The following FRS2 variants were observed in gnomAD, a reference collection of about 807,000 sequenced individuals.
FRS2 encodes fibroblast growth factor receptor substrate 2.
Under a neutral mutation model 43.9 loss-of-function variants are expected in FRS2, and 8 were observed. The ratio of observed to expected loss-of-function variants is 0.18; its 90% CI spans 0.11 to 0.33. The LOEUF is 0.33. FRS2 is among the 10% of genes least tolerant of loss of function. FRS2 has a pLI of 1.00. For synonymous variants in FRS2, 219 were observed against 220.3 expected (o/e 0.99, Z 0.05); for missense variants, 534 against 627.6 (o/e 0.85, Z 1.59).
intron 1 of FRS2, among the ~76,000 whole-genome samples, chr12:69,525,835 G>C (rs1360225450): frequency 1.5e-5 from 2 of 130,022 alleles, no homozygotes; most frequent in Admixed American, 1.5e-4. Flanking sequence ...TTAGTACTTT[G>C]GGAAACTTTA....
intron 1 of FRS2, among the ~76,000 whole-genome samples, chr12:69,522,688 G>A (rs1565745004): frequency 6.6e-6 from 1 of 151,984 alleles, no homozygotes; most frequent in East Asian, 1.9e-4. Flanking sequence ...GTAATTTTAG[G>A]TTGTTTATTT....
At chr12:69,558,823 A>G (rs544847653) in intron 3 of FRS2, among the ~76,000 whole-genome samples, 3 of 152,176 alleles carry the variant, frequency 2.0e-5, no homozygotes, top group Non-Finnish European at 2.9e-5. Flanking sequence ...TATTTCTAGC[A>G]CTTAACTCAG....
chr12:69,539,509 A>G (rs1313131627), intron 3 of FRS2, among the ~76,000 whole-genome samples: 4 of 152,202 alleles, frequency 2.6e-5, no homozygotes, highest in African/African-American at 9.6e-5. Context: ...TGATTTATAC[A>G]ATATTTTAAA....
intron 1 of FRS2, among the ~76,000 whole-genome samples, chr12:69,490,431 GTTT>G (rs5798936): frequency 3.7e-5 from 5 of 133,350 alleles, no homozygotes; most frequent in African/African-American, 1.1e-4. Flanking sequence ...AAATGTGTGG[GTTT>G]TTTTTTTTTT....
At chr12:69,555,008 C>G (rs1236784206) in intron 3 of FRS2, among the ~76,000 whole-genome samples, 1 of 151,690 alleles carries the variant, frequency 6.6e-6, no homozygotes, top group African/African-American at 2.4e-5. Flanking sequence ...GTGCTCAGCC[C>G]AGCTTTATTT....
At chr12:69,558,920 A>G (rs1159177091) in intron 3 of FRS2, among the ~76,000 whole-genome samples, 1 of 152,196 alleles carries the variant, frequency 6.6e-6, no homozygotes, top group Non-Finnish European at 1.5e-5. Flanking sequence ...TCATTGTTTA[A>G]TTTTCTCTTT....
intron 3 of FRS2, chr12:69,537,934 C>T (rs2135690658): frequency 6.6e-6 from 1 of 152,418 alleles, no homozygotes; most frequent in African/African-American, 2.4e-5. Context: ...CTTCTTTCTA[C>T]CATCATCAAG....
chr12:69,494,892 A>G (rs367880162), intron 1 of FRS2, among the ~76,000 whole-genome samples: 14 of 151,794 alleles, frequency 9.2e-5, no homozygotes, highest in East Asian at 5.8e-4. Flanking sequence ...CCCTGTCTCA[A>G]CCTCCCGAGT....
intron 3 of FRS2, among the ~76,000 whole-genome samples, chr12:69,537,299 T>C (rs983549275): frequency 6.6e-6 from 1 of 151,512 alleles, no homozygotes; most frequent in Non-Finnish European, 1.5e-5. Flanking sequence ...TCTTGGCTTA[T>C]TGTTCCTTTT....
chr12:69,540,819 AGT>A (rs1877835804), intron 3 of FRS2, among the ~76,000 whole-genome samples: 1 of 152,218 alleles, frequency 6.6e-6, no homozygotes, highest in Non-Finnish European at 1.5e-5. Flanking sequence ...TCATGTTGAT[AGT>A]GTGTTTCAAG....
intron 3 of FRS2, among the ~76,000 whole-genome samples, chr12:69,553,922 T>C (rs1404221959): frequency 2.6e-5 from 4 of 152,212 alleles, no homozygotes; most frequent in South Asian, 2.1e-4. Context: ...ATTCATAGTA[T>C]TGGGGGCTTT....
chr12:69,552,674 C>T (rs189423934), intron 3 of FRS2, among the ~76,000 whole-genome samples: 230 of 152,206 alleles, frequency 1.5e-3, no homozygotes, highest in Non-Finnish European at 2.7e-3. Context: ...GTGGGCAGAT[C>T]TGAGGTCAGG....
chr12:69,529,292 CCTAGGATGAACA>C (rs1399040137), intron 1 of FRS2, among the ~76,000 whole-genome samples: 1 of 151,986 alleles, frequency 6.6e-6, no homozygotes, highest in African/African-American at 2.4e-5. Context: ...AACTGGAGCT[CCTAGGATGAACA>C]CTACATGGGT....
At chr12:69,557,567 A>G (rs889164917) in intron 3 of FRS2, among the ~76,000 whole-genome samples, 2 of 148,684 alleles carry the variant, frequency 1.3e-5, no homozygotes, top group African/African-American at 5.1e-5. Context: ...CTAAACTAAG[A>G]GTTTCTTTGA....
intron 1 of FRS2, among the ~76,000 whole-genome samples, chr12:69,502,016 A>G (rs1223016948): frequency 6.6e-6 from 1 of 151,320 alleles, no homozygotes; most frequent in African/African-American, 2.4e-5. Context: ...CCCAGGCTGG[A>G]GTGCAGTGGT....
At chr12:69,556,748 T>TAA (rs1412398789) in intron 3 of FRS2, among the ~76,000 whole-genome samples, 7 of 152,224 alleles carry the variant, frequency 4.6e-5, no homozygotes, top group Non-Finnish European at 8.8e-5. Flanking sequence ...ATGTTTATGG[T>TAA]TTGAATAATA....
chr12:69,500,922 A>G (rs1213855450), intron 1 of FRS2, among the ~76,000 whole-genome samples: 2 of 152,152 alleles, frequency 1.3e-5, no homozygotes, highest in African/African-American at 4.8e-5. Context: ...CTTAAAATGA[A>G]AATTTGTCCC....
intron 1 of FRS2, among the ~76,000 whole-genome samples, chr12:69,508,607 T>A (rs1407045360): frequency 6.6e-6 from 1 of 152,254 alleles, no homozygotes; most frequent in African/African-American, 2.4e-5. Flanking sequence ...ATTAAAATGA[T>A]ATTTGTACAT....
chr12:69,557,619 T>TGTGTGTGTGTGTGTGTGTGTGCGC (rs1555192498), intron 3 of FRS2, among the ~76,000 whole-genome samples: 34 of 119,024 alleles, frequency 2.9e-4, no homozygotes, highest in African/African-American at 5.4e-4. Context: ...TGTGTGTGTG[T>TGTGTGTGTGTGTGTGTGTGTGCGC]GCGCGCGCGC....
Sources: allele counts gnomAD v4.1 joint callset (sites outside exome capture counted in the v4.1 genomes callset), GRCh38; gene constraint gnomAD v4.1.1; transcripts MANE v1.5; gene names NCBI Gene and HGNC (gene_info 2026-07-23, HGNC 2026-07-21).